Variants in CIT observed in about 807,000 individuals in gnomAD.
CIT encodes citron rho-interacting serine/threonine kinase.
Under a neutral mutation model 272.7 loss-of-function variants are expected in CIT, and 79 were observed. The ratio of observed to expected loss-of-function variants is 0.29; its 90% confidence interval spans 0.24 to 0.35. The LOEUF is 0.35. Ranked by LOEUF, CIT falls within the 10% of genes least tolerant of loss-of-function variation. The probability of loss-of-function intolerance (pLI) is 1.00; values close to 1 mark genes in which losing one functional copy is unlikely to be tolerated. For missense variants in CIT, 1,909 were observed against 2,618.3 expected (o/e 0.73, Z 5.91); for synonymous variants, 948 against 995.6 (o/e 0.95, Z 0.90).
At chr12:119,738,901 A>T (rs79002741) in intron 24 of CIT, among the ~76,000 whole-genome samples, 18 of 151,786 alleles carry the variant, frequency 1.2e-4, no homozygotes, top group African/African-American at 4.1e-4. Context: ...AAAAAAAAAA[A>T]AGATCTACTC....
intron 43 of CIT, 146 bp from the exon 44 acceptor site, chr12:119,700,971 A>T: frequency 2.0e-6 from 1 of 498,004 alleles, no homozygotes. Context: ...CCCTCTGCTG[A>T]GCCAGCTCTC....
intron 10 of CIT, among the ~76,000 whole-genome samples, chr12:119,800,609 A>G (rs1439576008): frequency 6.6e-6 from 1 of 152,244 alleles, no homozygotes; most frequent in African/African-American, 2.4e-5. Flanking sequence ...GTACAGCAGC[A>G]TCTGCAATTT....
intron 4 of CIT, among the ~76,000 whole-genome samples, chr12:119,852,670 T>C (rs932123817): frequency 6.6e-6 from 1 of 151,412 alleles, no homozygotes; most frequent in Admixed American, 6.6e-5. Flanking sequence ...CACTGCACTC[T>C]AGCCTGGGTG....
At chr12:119,736,836 T>C (rs1246557859) in intron 24 of CIT, among the ~76,000 whole-genome samples, 1 of 152,184 alleles carries the variant, frequency 6.6e-6, no homozygotes, top group Non-Finnish European at 1.5e-5. Context: ...TTCCTTAAGA[T>C]GTTTTTCATA....
chr12:119,837,449 A>G (rs1385066385), intron 5 of CIT, among the ~76,000 whole-genome samples: 2 of 152,226 alleles, frequency 1.3e-5, no homozygotes, highest in African/African-American at 4.8e-5. Flanking sequence ...GAGGTTCCAA[A>G]AGCATCATCT....
intron 8 of CIT, among the ~76,000 whole-genome samples, chr12:119,824,738 A>G (rs1400611014): frequency 6.6e-6 from 1 of 152,216 alleles, no homozygotes; most frequent in Non-Finnish European, 1.5e-5. Context: ...ATTCATGAAC[A>G]CAATTTTTAA....
intron 5 of CIT, among the ~76,000 whole-genome samples, chr12:119,836,209 C>T (rs568773269): frequency 1.9e-3 from 274 of 146,668 alleles, no homozygotes; most frequent in Non-Finnish European, 3.4e-3. Context: ...ATCACTTGAA[C>T]CCGGGAGGCA....
rs1323734904 is a variant in CIT, at chr12:119,742,568, A to G, written c.2905-104T>C. On this transcript the variant is annotated intron_variant, in intron 23 of 47. Transcript: ENST00000392521. ...TAGCAATTTGCCTGGAAAGCCGAGA[A>G]TGCGGCACCAGCATCTGTTTTTCTA... 9.8e-6 allele frequency: 7 copies of G among 714,834 alleles called. No homozygotes were observed. In the African/African-American group the frequency reaches 1.3e-4, roughly 13 times the overall value. The allele number at this position is 714,834 out of a possible 1,614,324, so 44.3% of individuals were successfully genotyped here. A position where few individuals can be genotyped will look rare whatever the true frequency, so the allele number is the denominator to read the frequency against.
intron 40 of CIT, among the ~76,000 whole-genome samples, chr12:119,706,720 G>A (rs1364851054): frequency 1.3e-5 from 2 of 152,172 alleles, no homozygotes; most frequent in African/African-American, 4.8e-5. Flanking sequence ...CCATGTCTTT[G>A]CTATTATGAG....
At chr12:119,786,151 A>G (rs1566042503) in intron 10 of CIT, among the ~76,000 whole-genome samples, 1 of 152,064 alleles carries the variant, frequency 6.6e-6, no homozygotes, top group Non-Finnish European at 1.5e-5. Flanking sequence ...CTCATTTTAT[A>G]TGAGGAAATT....
chr12:119,735,947 T>C (rs1256907628), intron 24 of CIT, among the ~76,000 whole-genome samples: 1 of 152,238 alleles, frequency 6.6e-6, no homozygotes, highest in African/African-American at 2.4e-5. Flanking sequence ...CACTGTACTA[T>C]GGCATGACTT....
chr12:119,832,578 G>A (rs1189575120), intron 7 of CIT, among the ~76,000 whole-genome samples, 193 bp downstream of exon 7: 1 of 152,124 alleles, frequency 6.6e-6, no homozygotes, highest in Non-Finnish European at 1.5e-5. Flanking sequence ...GTCTTGGAGG[G>A]TATTAACAGG....
intron 32 of CIT, among the ~76,000 whole-genome samples, chr12:119,714,932 T>C (rs2137085643): frequency 6.6e-6 from 1 of 152,286 alleles, no homozygotes; most frequent in East Asian, 1.9e-4. Flanking sequence ...ACAACACAAA[T>C]GTCCACCAAT....
intron 9 of CIT, among the ~76,000 whole-genome samples, chr12:119,811,142 T>C (rs1473478968): frequency 6.6e-6 from 1 of 152,070 alleles, no homozygotes; most frequent in Admixed American, 6.6e-5. Context: ...CTGGGCAACA[T>C]GGCAAAACCC....
In CIT at chr12:119,803,207, CAGATCTACCA is replaced by C. The variant is rs1966355918; in HGVS notation, c.1284_1293del (p.Gly429SerfsTer41). On this transcript the variant is annotated frameshift_variant and splice_region_variant, in exon 10 of 48. Transcript: ENST00000392521. LOFTEE classifies it high-confidence loss of function. ...TTAGAAAGTCAAATTTTCACTTACT[CAGATCTACCA>C]AGAATCCCCAGTGCCTTGCTGTACG... 3 of 1,389,512 alleles carry C rather than the reference CAGATCTACCA, an allele frequency of 2.2e-6. No homozygotes were observed. Among genetic ancestry groups the C allele is most frequent in the Non-Finnish European group, 2.8e-6 (3 of 1,054,092 alleles). The allele number at this position is 1,389,512 out of a possible 1,614,324, so 86.1% of individuals were successfully genotyped here.
Position 119,713,703 on chromosome 12 carries a change from C to T in CIT, c.4307-55G>A. 1 of 1,586,168 alleles carries T rather than the reference C, an allele frequency of 6.3e-7. No individual in the cohort carries two copies. ...CATGCTCAGCTGACCCTGGACCCTT[C>T]CCTTCCTCTGCCAGCCAACGCCTGG... On this transcript the variant is annotated intron_variant, in intron 33 of 47. Transcript: ENST00000392521. This position sits in a 1 kb window ranked among gnomAD's most constrained non-coding sequence, Gnocchi z 5.2.
At chr12:119,745,397 A>AAC (rs1277492676) in intron 23 of CIT, among the ~76,000 whole-genome samples, 1 of 145,946 alleles carries the variant, frequency 6.9e-6, no homozygotes, top group Non-Finnish European at 1.5e-5. Flanking sequence ...AAAAAAAAAA[A>AAC]ACACCTGTCC....
intron 5 of CIT, among the ~76,000 whole-genome samples, chr12:119,835,051 A>G (rs1968901669): frequency 6.6e-6 from 1 of 152,252 alleles, no homozygotes. Context: ...ATGTGTTGGT[A>G]CATACACAGG....
At chr12:119,715,395 T>A (rs1464102107) in intron 32 of CIT, among the ~76,000 whole-genome samples, 1 of 152,186 alleles carries the variant, frequency 6.6e-6, no homozygotes, top group Non-Finnish European at 1.5e-5. Flanking sequence ...TGGGTGAACC[T>A]TGAAAACATT....
Sources: gnomAD v4.1 joint callset for allele counts (sites outside exome capture counted in the v4.1 genomes callset) on GRCh38, gnomAD v4.1.1 for gene constraint, Gnocchi (gnomAD v3.1) non-coding constraint, MANE v1.5 for transcripts, NCBI Gene and HGNC (gene_info 2026-07-23, HGNC 2026-07-21) for gene names.